The following WDPCP variants were observed in gnomAD, a reference collection of about 807,000 sequenced individuals.
WDPCP encodes WD repeat containing planar cell polarity effector.
WDPCP carries 71 observed loss-of-function variants against 93.1 expected under a neutral mutation model. The observed-to-expected ratio is 0.76, with a 90% CI of 0.63 to 0.93. WDPCP has a LOEUF of 0.93. Ranked by LOEUF, WDPCP falls within the 40% of genes least tolerant of loss-of-function variation. WDPCP has a pLI of 0.00. For missense variants in WDPCP, 844 were observed against 887.4 expected (o/e 0.95, Z 0.62); for synonymous variants, 315 against 315.0 (o/e 1.00, Z 0.00).
At chr2:63,141,240 G>A (rs1291390794) in intron 17 of WDPCP, among the ~76,000 whole-genome samples, 3 of 152,112 alleles carry the variant, frequency 2.0e-5, no homozygotes, top group East Asian at 3.9e-4. Context: ...CACCAGGCCC[G>A]GCTAATTTTT....
intron 13 of WDPCP, among the ~76,000 whole-genome samples, chr2:63,311,497 C>T (rs776180414): frequency 2.6e-5 from 4 of 152,154 alleles, no homozygotes; most frequent in Non-Finnish European, 5.9e-5. Context: ...CTTGGGCTAT[C>T]AATAAAGTTA....
In WDPCP at chr2:63,378,581, GCAGT is replaced by G. The variant is rs1253339522; in HGVS notation, c.1625-76_1625-73del. On this transcript the variant is annotated intron_variant, in intron 11 of 17. Transcript: ENST00000272321. ...CAATTACAACAAAATACTCATGTTT[GCAGT>G]CAGTCAGGTTTTGCAGACTTGGATG... The G allele has an allele frequency of 9.4e-6, 15 of 1,602,630 alleles. 1 individual carries two copies. The Admixed American group carries it at 1.7e-4, about 18-fold the overall frequency.
chr2:63,176,830 G>C (rs561661439), intron 14 of WDPCP, among the ~76,000 whole-genome samples: 8 of 152,266 alleles, frequency 5.3e-5, no homozygotes, highest in Admixed American at 5.2e-4. Flanking sequence ...AGAAATCATT[G>C]TCATATCCAA....
At chr2:63,499,891 C>G (rs1305268981) in intron 1 of WDPCP, among the ~76,000 whole-genome samples, 1 of 152,204 alleles carries the variant, frequency 6.6e-6, no homozygotes, top group Non-Finnish European at 1.5e-5. Flanking sequence ...AACTACTGAA[C>G]CCACACACAT....
At chr2:63,252,241 C>T (rs919322568) in intron 14 of WDPCP, among the ~76,000 whole-genome samples, 3 of 152,076 alleles carry the variant, frequency 2.0e-5, no homozygotes, top group African/African-American at 7.2e-5. Flanking sequence ...CAACATCCTC[C>T]TTGATAAAAA....
chr2:63,388,178 A>C (rs1011085820), intron 10 of WDPCP, among the ~76,000 whole-genome samples: 1 of 152,248 alleles, frequency 6.6e-6, no homozygotes, highest in East Asian at 1.9e-4. Flanking sequence ...TCCAGTCTGC[A>C]TCTCCCAGTG....
chr2:63,153,192 C>T (rs1671997815), intron 16 of WDPCP: 1 of 556,996 alleles, frequency 1.8e-6, no homozygotes, highest in African/African-American at 1.9e-5. Flanking sequence ...TATATACTAG[C>T]AGCATATCAC....
At chr2:63,759,592 G>T (rs144170336) in intron 2 of WDPCP, among the ~76,000 whole-genome samples, 1 of 152,152 alleles carries the variant, frequency 6.6e-6, no homozygotes, top group Non-Finnish European at 1.5e-5. Flanking sequence ...CTTTAAATTT[G>T]CCATTTAATG....
At chr2:63,161,833 A>G (rs1672669383) in intron 15 of WDPCP, among the ~76,000 whole-genome samples, 1 of 150,690 alleles carries the variant, frequency 6.6e-6, no homozygotes, top group Non-Finnish European at 1.5e-5. Context: ...GCACGATCTC[A>G]ATTCACTGCA....
At chr2:63,589,404 G>A (rs1709106602), upstream of WDPCP, 1 of 1,548,948 alleles carries the variant, frequency 6.5e-7, no homozygotes, top group South Asian at 1.2e-5. Context: ...GGGAGGGAAA[G>A]GTTGGGTCCT....
At chr2:63,394,227 A>T (rs561828547) in intron 10 of WDPCP, among the ~76,000 whole-genome samples, 10 of 152,098 alleles carry the variant, frequency 6.6e-5, no homozygotes, top group Non-Finnish European at 1.2e-4. Flanking sequence ...AACAATTGGG[A>T]AAGAACATAG....
At chr2:63,169,696 C>T (rs527445843) in intron 15 of WDPCP, among the ~76,000 whole-genome samples, 15 of 152,140 alleles carry the variant, frequency 9.9e-5, no homozygotes, top group African/African-American at 2.9e-4. Context: ...ATTATACAAA[C>T]GCTGTTGCTT....
At chr2:63,724,145 T>A (rs1258237176) in intron 2 of WDPCP, among the ~76,000 whole-genome samples, 1 of 152,194 alleles carries the variant, frequency 6.6e-6, no homozygotes, top group Non-Finnish European at 1.5e-5. Flanking sequence ...GCCTGAATGA[T>A]AAATATTTAG....
At chr2:63,286,198 T>A (rs1372985352) in intron 13 of WDPCP, among the ~76,000 whole-genome samples, 1 of 152,086 alleles carries the variant, frequency 6.6e-6, no homozygotes, top group African/African-American at 2.4e-5. Context: ...GTAATATATA[T>A]CTGGATTGTC....
intron 2 of WDPCP, 56 bp downstream of exon 2, chr2:63,492,800 T>C (rs1345593248): frequency 3.3e-6 from 5 of 1,509,202 alleles, no homozygotes; most frequent in African/African-American, 1.4e-5. Context: ...CTAGTACTTA[T>C]TTATAATGGT....
chr2:63,187,761 C>A (rs899526191), intron 14 of WDPCP, among the ~76,000 whole-genome samples: 4 of 152,144 alleles, frequency 2.6e-5, no homozygotes, highest in Admixed American at 2.0e-4. Context: ...ACTAGAATTA[C>A]AATATAGGAT....
chr2:63,501,097 A>G (rs1446834357), intron 1 of WDPCP, among the ~76,000 whole-genome samples: 2 of 152,236 alleles, frequency 1.3e-5, no homozygotes, highest in African/African-American at 4.8e-5. Flanking sequence ...CACCCACTGC[A>G]AGTATTCAAT....
chr2:63,517,118 G>A (rs1291881635), intron 1 of WDPCP, among the ~76,000 whole-genome samples: 1 of 151,986 alleles, frequency 6.6e-6, no homozygotes, highest in South Asian at 2.1e-4. Flanking sequence ...TATTACCACT[G>A]TAGTTTATGC....
At chr2:63,239,505 G>C (rs1390142890) in intron 14 of WDPCP, among the ~76,000 whole-genome samples, 2 of 152,100 alleles carry the variant, frequency 1.3e-5, no homozygotes, top group Admixed American at 6.5e-5. Context: ...AAACTTAGTA[G>C]GCCAACTACA....
Sources: gnomAD v4.1 joint callset for allele counts (sites outside exome capture counted in the v4.1 genomes callset) on GRCh38, gnomAD v4.1.1 for gene constraint, MANE v1.5 for transcripts, NCBI Gene and HGNC (gene_info 2026-07-23, HGNC 2026-07-21) for gene names.